Variants in PWP1 observed in about 807,000 individuals in gnomAD.
PWP1 encodes the protein PWP1 homolog, endonuclein, also known as periodic tryptophan protein 1 homolog.
PWP1 carries 47 observed loss-of-function variants against 69.9 expected under a neutral mutation model. The observed-to-expected ratio is 0.67, with a 90% CI of 0.53 to 0.86. The LOEUF is 0.86. Ranked by LOEUF, PWP1 falls within the 40% of genes least tolerant of loss-of-function variation. The pLI, the probability that PWP1 is intolerant of heterozygous loss-of-function variation, is 0.00. For synonymous variants in PWP1, 222 were observed against 208.2 expected (o/e 1.07, Z -0.57); for missense variants, 551 against 608.8 (o/e 0.91, Z 1.00).
chr12:107,695,073 G>T lies in PWP1; in HGVS notation c.503-1401G>T, dbSNP rs150601160. ...GATCGAGACCATCCTGGCTAACACGGTAAAACCCAGTCTCTACTAAAAATA... is the reference window on the plus strand; with the variant it reads ...GATCGAGACCATCCTGGCTAACACGTTAAAACCCAGTCTCTACTAAAAATA... On this transcript the variant is annotated intron_variant, in intron 5 of 14. Coordinates refer to ENST00000412830, the MANE Select transcript of PWP1 (RefSeq NM_007062.3). Among the ~76,000 whole-genome samples the T allele has an allele frequency of 8.4e-3, 1,246 of 149,008 alleles. 8 individuals carry two copies. Among genetic ancestry groups the T allele is most frequent in the Non-Finnish European group, 0.011 (766 of 67,514 alleles).
At chr12:107,697,658 G>A (rs1889618863) in intron 7 of PWP1, 61 bp downstream of exon 7, 4 of 1,495,286 alleles carry the variant, frequency 2.7e-6, no homozygotes, top group Middle Eastern at 1.7e-4. Context: ...CGGGAGTAGG[G>A]GTGAAGGGTA....
chr12:107,701,598 A>T (rs1294020706), intron 8 of PWP1, among the ~76,000 whole-genome samples: 1 of 151,682 alleles, frequency 6.6e-6, no homozygotes, highest in Non-Finnish European at 1.5e-5. Context: ...ATCCATTTTG[A>T]GTTTTTTTTG....
intron 8 of PWP1, among the ~76,000 whole-genome samples, chr12:107,700,339 A>T (rs1043249205): frequency 6.6e-6 from 1 of 151,146 alleles, no homozygotes; most frequent in East Asian, 1.9e-4. Flanking sequence ...TTAAACACTG[A>T]CTCCCCATTT....
chr12:107,697,151 G>C (rs1015490449), intron 6 of PWP1, among the ~76,000 whole-genome samples: 1 of 152,076 alleles, frequency 6.6e-6, no homozygotes, highest in Admixed American at 6.5e-5. Flanking sequence ...CCATGAAGGA[G>C]GACGGGAGGA....
intron 3 of PWP1, among the ~76,000 whole-genome samples, chr12:107,690,225 G>A (rs1889453351): frequency 6.6e-6 from 1 of 152,052 alleles, no homozygotes; most frequent in Non-Finnish European, 1.5e-5. Context: ...TATTACATAA[G>A]ACATAGCAGA....
At chr12:107,711,644 AAC>A (rs1889954530) in intron 14 of PWP1, among the ~76,000 whole-genome samples, 1 of 152,102 alleles carries the variant, frequency 6.6e-6, no homozygotes, top group Admixed American at 6.6e-5. Context: ...GCGTTCTACA[AAC>A]ACAGAGATAA....
At chr12:107,710,551 G>GGAA in intron 14 of PWP1, 41 bp downstream of exon 14, 2 of 642,974 alleles carry the variant, frequency 3.1e-6, no homozygotes, top group Non-Finnish European at 2.1e-6. Context: ...CCCTGCCCCT[G>GGAA]TAAAAAAAAA....
At position 107,703,692 on chromosome 12, in the gene PWP1, C is replaced by G; in HGVS notation, c.911C>G (p.Thr304Arg). The G allele has an allele frequency of 6.2e-7, 1 of 1,605,684 alleles. No homozygotes were observed. The highest frequency in any genetic ancestry group is 8.5e-7 in the Non-Finnish European group (1 of 1,172,408). Residue 304 changes from threonine to arginine, a missense_variant, in exon 10 of 15, where the codon ACA becomes AGA. Thr to Arg is a moderately conservative substitution (Grantham distance 71). Coordinates refer to ENST00000412830, the MANE Select transcript of PWP1 (RefSeq NM_007062.3). ...SLAVHTDKVQ[T>R]LQFHPFEAQT... ...TATGTTTCCTCCCTTTAGGTCCAAA[C>G]ACTGCAGTTTCATCCATTTGAAGCA...
At chr12:107,698,821 G>A (rs996478508) in intron 7 of PWP1, among the ~76,000 whole-genome samples, 3 of 152,118 alleles carry the variant, frequency 2.0e-5, no homozygotes, top group African/African-American at 4.8e-5. Flanking sequence ...TCGAACTCCC[G>A]GCCTCAAGCG....
In PWP1 at chr12:107,703,014, G is replaced by A. The variant is rs370249789; in HGVS notation, c.886G>A (p.Ala296Thr). ...CTTGGGGAAACCAGCAGCTAGCCTC[G>A]CTGTACACACAGACAAGGTATGGTG... is the stretch of plus-strand genomic sequence containing the variant. The part of the protein sequence containing the change: ...MSLGKPAASL[A>T]VHTDKVQTLQ... The change falls in exon 9 of 15, where the codon GCT becomes ACT. Residue 296 changes from alanine to threonine, a missense_variant. Ala to Thr is a moderately conservative substitution (Grantham distance 58). Transcript: ENST00000412830. 362 of 1,604,184 alleles carry A rather than the reference G, an allele frequency of 2.3e-4. 2 individuals carry two copies. In the South Asian group the frequency reaches 3.7e-3, roughly 17 times the overall value.
chr12:107,686,045 G>C, intron 1 of PWP1, 74 bp downstream of exon 1: 1 of 1,536,532 alleles, frequency 6.5e-7, no homozygotes, highest in South Asian at 1.1e-5. Flanking sequence ...CTGGGGGAAC[G>C]TGGACCCGGA....
Position 107,696,532 on chromosome 12 carries a change from T to G in PWP1, c.561T>G (p.Tyr187Ter), listed in dbSNP as rs1459864855. 6.2e-7 allele frequency: 1 copy of G among 1,614,168 alleles called. No homozygotes were observed. The highest frequency in any genetic ancestry group is 1.1e-5 in the South Asian group (1 of 91,080). The stretch of plus-strand genomic sequence containing the variant: ...ACCATGATATACTCTTGTCTGCATA[T>G]CCTCTGAGTGTGGAATGGCTGAATT... ...YVHHDILLSAYPLSVEWLNFD... is the reference protein window; with the variant it reads ...YVHHDILLSA Residue 187 changes from tyrosine to a stop codon, truncating the protein, a stop_gained, in exon 6 of 15, where the codon TAT (tyrosine) becomes TAG (stop). Transcript: ENST00000412830. LOFTEE classifies it high-confidence loss of function.
chr12:107,685,992 G>C (rs754802951), intron 1 of PWP1, 21 bp downstream of exon 1: 11 of 1,612,762 alleles, frequency 6.8e-6, no homozygotes, highest in Non-Finnish European at 9.3e-6. Context: ...GTCGCTGGGA[G>C]ACAAGGGGAG....
chr12:107,704,959 G>T (rs1889787958), intron 11 of PWP1, among the ~76,000 whole-genome samples: 1 of 151,968 alleles, frequency 6.6e-6, no homozygotes, highest in Admixed American at 6.6e-5. Context: ...CTGGTTGCCG[G>T]CCATTCCAAA....
Position 107,710,939 on chromosome 12 carries a change from G to A in PWP1, c.1396+429G>A, listed in dbSNP as rs1178785195. ...TTAAGGCCGAGACCAGCTCGGTTGG[G>A]GAGACCCTAACCCAGTGGCGCTAGA... On this transcript the variant is annotated intron_variant, in intron 14 of 14. Coordinates refer to ENST00000412830, the MANE Select transcript of PWP1 (RefSeq NM_007062.3). Among the ~76,000 whole-genome samples the A allele has an allele frequency of 2.6e-5, 4 of 152,006 alleles. No homozygotes were observed. The East Asian group carries it at 7.7e-4, about 29-fold the overall frequency.
chr12:107,702,816 GT>G lies in PWP1; in HGVS notation c.807-117del. ...ATTATGTAAGTCTTACATTTCTTTTGTTAAATTTATTCCTAAGTATTTTATT... is the reference window on the plus strand; with the variant it reads ...ATTATGTAAGTCTTACATTTCTTTTGTAAATTTATTCCTAAGTATTTTATT... On this transcript the variant is annotated intron_variant, in intron 8 of 14. Transcript: ENST00000412830. 8.9e-6 allele frequency: 6 copies of G among 672,782 alleles called. No individual in the cohort carries two copies. The South Asian group carries it at 9.9e-5, about 11-fold the overall frequency. The allele number at this position is 672,782 out of a possible 1,614,324, so 41.7% of individuals were successfully genotyped here.
chr12:107,697,554 T>A lies in PWP1; in HGVS notation c.701T>A (p.Leu234His). 1 of 1,608,460 alleles carries A rather than the reference T, an allele frequency of 6.2e-7. No homozygotes were observed. Among genetic ancestry groups the A allele is most frequent in the Non-Finnish European group, 8.5e-7 (1 of 1,178,140 alleles). Reference sequence around the variant, plus strand: ...GACTCTTTAGAGCCAGTCTTCACACTCGGAAGTAAACTTTCAAAAAAGAAG... The same window carrying A: ...GACTCTTTAGAGCCAGTCTTCACACACGGAAGTAAACTTTCAAAAAAGAAG... Reference protein sequence around the residue: ...IVDSLEPVFTLGSKLSKKKKK... With the variant: ...IVDSLEPVFTHGSKLSKKKKK... Residue 234 changes from leucine (L) to histidine (H), a missense_variant, in exon 7 of 15, where the codon CTC becomes CAC. By Grantham distance (99) the Leu-to-His change is moderately conservative. Coordinates refer to ENST00000412830, the MANE Select transcript of PWP1 (RefSeq NM_007062.3).
At chr12:107,688,306 A>C (rs965562503) in intron 1 of PWP1, 142 bp from the exon 2 acceptor site, 5 of 580,298 alleles carry the variant, frequency 8.6e-6, no homozygotes, top group Middle Eastern at 4.8e-4. Flanking sequence ...TTTTTAATAT[A>C]GAGTCTGGAT....
intron 11 of PWP1, among the ~76,000 whole-genome samples, chr12:107,707,457 G>T (rs1165468315): frequency 2.6e-5 from 4 of 152,182 alleles, no homozygotes; most frequent in Non-Finnish European, 4.4e-5. Context: ...GTGAGAGAGG[G>T]CATCCCTGTC....
Sources: gnomAD v4.1 joint callset for allele counts (sites outside exome capture counted in the v4.1 genomes callset) on GRCh38, gnomAD v4.1.1 for gene constraint, MANE v1.5 for transcripts, NCBI Gene and HGNC (gene_info 2026-07-23, HGNC 2026-07-21) for gene names.